The following ACVR1 variants were observed in gnomAD, a reference collection of about 807,000 sequenced individuals.
ACVR1 encodes the protein activin A receptor type 1, also known as activin receptor type-1.
Under a neutral mutation model 57.1 loss-of-function variants are expected in ACVR1, and 38 were observed. The ratio of observed to expected loss-of-function variants is 0.67; its 90% confidence interval spans 0.51 to 0.87. The LOEUF is 0.87. Among genes scored for constraint, ACVR1 ranks in the 40% least tolerant of loss-of-function variants. The pLI is 0.00. For missense variants in ACVR1, 463 were observed against 638.2 expected (o/e 0.73, Z 2.96); for synonymous variants, 212 against 228.1 (o/e 0.93, Z 0.63).
intron 1 of ACVR1, among the ~76,000 whole-genome samples, chr2:157,853,878 G>C (rs1336588853): frequency 6.6e-6 from 1 of 152,080 alleles, no homozygotes; most frequent in African/African-American, 2.4e-5. Context: ...TACATTACCA[G>C]GCTAACTTCT....
In ACVR1 at chr2:157,737,332, G is replaced by A. The variant is rs2105215134; in HGVS notation, c.*199C>T. The A allele has an allele frequency of 3.0e-6, 2 of 669,128 alleles. No individual in the cohort carries two copies. The highest frequency in any genetic ancestry group is 3.4e-5 in the South Asian group (2 of 58,014). 41.4% of individuals were successfully genotyped at this position (669,128 alleles called of 1,614,324 possible). A position where few individuals can be genotyped will look rare whatever the true frequency, so the allele number is the denominator to read the frequency against. ...GTGTGAACAGTTCGTGAAATGCCCA[G>A]TTCACAGTCATCGAGCGAGGTTAGG... On this transcript the variant is annotated 3_prime_UTR_variant, in exon 11 of 11. Transcript: ENST00000434821.
chr2:157,819,764 T>C (rs985479301), intron 1 of ACVR1, among the ~76,000 whole-genome samples: 1 of 151,892 alleles, frequency 6.6e-6, no homozygotes, highest in Admixed American at 6.6e-5. Flanking sequence ...AGATAACTAA[T>C]AAAAAACAAA....
chr2:157,848,387 T>C (rs1241222935), intron 1 of ACVR1, among the ~76,000 whole-genome samples: 1 of 152,154 alleles, frequency 6.6e-6, no homozygotes, highest in African/African-American at 2.4e-5. Context: ...AGACCACATG[T>C]AGGTGTTTCA....
chr2:157,746,662 G>T (rs1265239537), intron 9 of ACVR1, among the ~76,000 whole-genome samples: 1 of 152,256 alleles, frequency 6.6e-6, no homozygotes, highest in Non-Finnish European at 1.5e-5. Flanking sequence ...TACTAAATCA[G>T]AAATGCTGGG....
At chr2:157,848,168 T>G (rs535259092) in intron 1 of ACVR1, among the ~76,000 whole-genome samples, 1 of 152,312 alleles carries the variant, frequency 6.6e-6, no homozygotes, top group East Asian at 1.9e-4. Context: ...TTTGGCTCTC[T>G]TCTCATCAAG....
At chr2:157,821,975 GA>G (rs370887072) in intron 1 of ACVR1, among the ~76,000 whole-genome samples, 18 of 149,494 alleles carry the variant, frequency 1.2e-4, no homozygotes, top group African/African-American at 2.2e-4. Context: ...AGCAACAGGG[GA>G]AAAAAAAAAT....
chr2:157,857,612 A>G (rs901622948), intron 1 of ACVR1, among the ~76,000 whole-genome samples: 2 of 152,214 alleles, frequency 1.3e-5, no homozygotes, highest in Non-Finnish European at 2.9e-5. Flanking sequence ...CAAGGTTATT[A>G]AGAGGATCAT....
intron 3 of ACVR1, among the ~76,000 whole-genome samples, chr2:157,789,127 C>T (rs1309041333): frequency 2.0e-5 from 3 of 152,222 alleles, no homozygotes; most frequent in African/African-American, 4.8e-5. Context: ...CTTACAGTCA[C>T]AATGAGACAG....
At chr2:157,861,602 C>G (rs953833836) in intron 1 of ACVR1, among the ~76,000 whole-genome samples, 67 of 152,282 alleles carry the variant, frequency 4.4e-4, no homozygotes, top group African/African-American at 1.6e-3. Context: ...AATCAACAGG[C>G]ACAGTAGGAA....
At chr2:157,818,988 G>A (rs1281836090) in intron 1 of ACVR1, among the ~76,000 whole-genome samples, 1 of 146,052 alleles carries the variant, frequency 6.8e-6, no homozygotes, top group Non-Finnish European at 1.5e-5. Context: ...TGAGGCAGGA[G>A]AATGGCGTGA....
intron 1 of ACVR1, among the ~76,000 whole-genome samples, chr2:157,859,204 G>A (rs1481669180): frequency 6.6e-6 from 1 of 152,158 alleles, no homozygotes; most frequent in Non-Finnish European, 1.5e-5. Flanking sequence ...ACAGGTTGCG[G>A]TAAAGAAGCC....
intron 9 of ACVR1, among the ~76,000 whole-genome samples, chr2:157,738,852 G>C (rs1246344187): frequency 6.6e-6 from 1 of 152,180 alleles, no homozygotes; most frequent in African/African-American, 2.4e-5. Flanking sequence ...TTCTCCAACA[G>C]TGTATATTAA....
intron 2 of ACVR1, among the ~76,000 whole-genome samples, chr2:157,807,983 G>T (rs188618441): frequency 1.3e-3 from 200 of 150,238 alleles, no homozygotes; most frequent in Middle Eastern, 6.8e-3. Flanking sequence ...CTTTTCTGTG[G>T]TAGTGAGAAA....
intron 1 of ACVR1, among the ~76,000 whole-genome samples, chr2:157,851,907 A>ACACCAC (rs1553514200): frequency 1.9e-3 from 22 of 11,710 alleles, no homozygotes; most frequent in African/African-American, 3.7e-3. Flanking sequence ...ACACACACAC[A>ACACCAC]CACCACCCCC....
At chr2:157,838,560 G>A (rs1007111279) in intron 1 of ACVR1, among the ~76,000 whole-genome samples, 20 of 152,090 alleles carry the variant, frequency 1.3e-4, no homozygotes, top group Non-Finnish European at 1.9e-4. Context: ...AAAATGTGGC[G>A]CCATTAAACC....
At chr2:157,801,797 G>A (rs1687337204) in intron 2 of ACVR1, among the ~76,000 whole-genome samples, 1 of 152,046 alleles carries the variant, frequency 6.6e-6, no homozygotes, top group Admixed American at 6.6e-5. Flanking sequence ...AACTTTTTAT[G>A]GGATATGTCA....
chr2:157,839,120 T>C (rs531522625), intron 1 of ACVR1, among the ~76,000 whole-genome samples: 14 of 152,316 alleles, frequency 9.2e-5, no homozygotes, highest in Non-Finnish European at 7.4e-5. Context: ...CAGGGGAAAA[T>C]CACTCACTGT....
chr2:157,834,521 TG>T (rs1306834124), intron 1 of ACVR1, among the ~76,000 whole-genome samples: 2 of 152,060 alleles, frequency 1.3e-5, no homozygotes, highest in East Asian at 3.8e-4. Flanking sequence ...GTCCCAACTG[TG>T]GGGTTTATTG....
chr2:157,863,044 G>C (rs1393492776), intron 1 of ACVR1, among the ~76,000 whole-genome samples: 3 of 93,384 alleles, frequency 3.2e-5, no homozygotes, highest in African/African-American at 4.7e-5. Flanking sequence ...TTTTTTTTGA[G>C]ACAGTCTCAC....
Sources: allele counts gnomAD v4.1 joint callset (sites outside exome capture counted in the v4.1 genomes callset), GRCh38; gene constraint gnomAD v4.1.1; transcripts MANE v1.5; gene names NCBI Gene and HGNC (gene_info 2026-07-23, HGNC 2026-07-21).